Variants in GALNT17 observed in about 807,000 individuals in gnomAD.
GALNT17 encodes UDP-GalNAc:polypeptide N-acetylgalactosaminyltransferase-like 3.
A neutral mutation model predicts 63.7 loss-of-function variants in GALNT17; 29 were observed. The ratio of observed to expected loss-of-function variants is 0.46; its 90% CI spans 0.34 to 0.62. GALNT17 has a LOEUF of 0.62. GALNT17 is among the 20% of genes least tolerant of loss of function. The pLI, the probability that GALNT17 is intolerant of heterozygous loss-of-function variation, is 0.01. For missense variants in GALNT17, 603 were observed against 799.6 expected (o/e 0.75, Z 2.97); for synonymous variants, 305 against 318.3 (o/e 0.96, Z 0.45).
intron 6 of GALNT17, among the ~76,000 whole-genome samples, chr7:71,653,429 G>T (rs1275316945): frequency 2.0e-5 from 3 of 148,058 alleles, no homozygotes; most frequent in Non-Finnish European, 4.5e-5. Flanking sequence ...TTTTTTTTAA[G>T]ACTTTCTCTC....
intron 9 of GALNT17, among the ~76,000 whole-genome samples, chr7:71,699,625 C>A (rs1791600378): frequency 6.6e-6 from 1 of 152,096 alleles, no homozygotes; most frequent in Admixed American, 6.5e-5. Context: ...GCCTGTAGAT[C>A]AAAATGCGTT....
intron 5 of GALNT17, among the ~76,000 whole-genome samples, chr7:71,464,327 G>T (rs1787500852): frequency 6.6e-6 from 1 of 152,112 alleles, no homozygotes; most frequent in Non-Finnish European, 1.5e-5. Context: ...ACTGGACTTG[G>T]CATGGACAGA....
chr7:71,610,699 A>G (rs767309997), intron 6 of GALNT17, among the ~76,000 whole-genome samples: 6 of 152,192 alleles, frequency 3.9e-5, no homozygotes, highest in South Asian at 2.1e-4. Context: ...GGAATATTCA[A>G]TCTCCATCAA....
chr7:71,201,239 T>TATATATATATATATATA (rs1554338078), intron 1 of GALNT17, among the ~76,000 whole-genome samples: 1,044 of 101,424 alleles, frequency 0.01, 35 homozygotes, highest in African/African-American at 0.037. Flanking sequence ...GTGTGTTTAT[T>TATATATATATATATATA]TTTATATATA....
intron 6 of GALNT17, among the ~76,000 whole-genome samples, chr7:71,624,906 T>A (rs2116978064): frequency 6.6e-6 from 1 of 152,288 alleles, no homozygotes; most frequent in African/African-American, 2.4e-5. Context: ...ATTTCATTCA[T>A]CATTAGAGCA....
At chr7:71,247,327 C>T (rs1400584625) in intron 1 of GALNT17, among the ~76,000 whole-genome samples, 1 of 152,068 alleles carries the variant, frequency 6.6e-6, no homozygotes, top group Non-Finnish European at 1.5e-5. Context: ...ATGGGGAAAA[C>T]ATGAGAAAAA....
At chr7:71,526,399 A>G (rs1228747931) in intron 5 of GALNT17, among the ~76,000 whole-genome samples, 1 of 152,238 alleles carries the variant, frequency 6.6e-6, no homozygotes, top group Non-Finnish European at 1.5e-5. Flanking sequence ...AATGCGAAAT[A>G]TATTCTTTTG....
intron 1 of GALNT17, among the ~76,000 whole-genome samples, chr7:71,179,177 C>T (rs1004329283): frequency 1.3e-5 from 2 of 152,110 alleles, no homozygotes; most frequent in Non-Finnish European, 2.9e-5. Context: ...TTCAAAGTCA[C>T]CCCTCTGCTC....
intron 1 of GALNT17, among the ~76,000 whole-genome samples, chr7:71,252,093 G>T (rs1247581610): frequency 6.6e-6 from 1 of 152,084 alleles, no homozygotes; most frequent in Non-Finnish European, 1.5e-5. Flanking sequence ...AAAAGAGGAT[G>T]TCACCACCAG....
At chr7:71,194,133 CCT>C in intron 1 of GALNT17, among the ~76,000 whole-genome samples, 2 of 152,160 alleles carry the variant, frequency 1.3e-5, no homozygotes, top group Admixed American at 1.3e-4. Context: ...GCAGCCTTGA[CCT>C]CCTGGGCTCA....
At chr7:71,309,852 G>C (rs1791383821) in intron 1 of GALNT17, among the ~76,000 whole-genome samples, 2 of 152,142 alleles carry the variant, frequency 1.3e-5, no homozygotes, top group South Asian at 4.1e-4. Flanking sequence ...AACACTAAGA[G>C]AGAAATATAT....
intron 5 of GALNT17, among the ~76,000 whole-genome samples, chr7:71,569,514 G>A (rs1323498699): frequency 6.6e-6 from 1 of 152,104 alleles, no homozygotes; most frequent in Non-Finnish European, 1.5e-5. Context: ...TCACTTACAA[G>A]TGAGAGCGAA....
chr7:71,538,478 C>T (rs1188333906), intron 5 of GALNT17, among the ~76,000 whole-genome samples: 1 of 152,174 alleles, frequency 6.6e-6, no homozygotes, highest in Non-Finnish European at 1.5e-5. Context: ...CGACAGATTA[C>T]AGAGCAAAGT....
chr7:71,547,141 A>G (rs991289229), intron 5 of GALNT17, among the ~76,000 whole-genome samples: 1 of 150,384 alleles, frequency 6.6e-6, no homozygotes, highest in Non-Finnish European at 1.5e-5. Flanking sequence ...ACAGGCATGC[A>G]ACACCACACC....
intron 5 of GALNT17, among the ~76,000 whole-genome samples, chr7:71,534,828 A>G (rs967885347): frequency 1.2e-4 from 19 of 152,178 alleles, no homozygotes; most frequent in Admixed American, 2.6e-4. Context: ...CCAATTTTAC[A>G]TGCATCTTAA....
chr7:71,633,655 C>G (rs1369217623), intron 6 of GALNT17, among the ~76,000 whole-genome samples: 1 of 152,226 alleles, frequency 6.6e-6, no homozygotes, highest in East Asian at 1.9e-4. Flanking sequence ...ATCCTCGCAG[C>G]ATTTGTAGGG....
At chr7:71,639,971 A>G (rs1668835833) in intron 6 of GALNT17, among the ~76,000 whole-genome samples, 1 of 152,198 alleles carries the variant, frequency 6.6e-6, no homozygotes, top group African/African-American at 2.4e-5. Context: ...TCTGGAAACC[A>G]TGTTATTTAG....
At chr7:71,359,316 C>T (rs143326547) in intron 2 of GALNT17, among the ~76,000 whole-genome samples, 3 of 152,242 alleles carry the variant, frequency 2.0e-5, no homozygotes, top group South Asian at 2.1e-4. Context: ...GAGGAGCCAG[C>T]GTGCAGAGAT....
At chr7:71,596,268 G>C (rs1158197361) in intron 6 of GALNT17, among the ~76,000 whole-genome samples, 2 of 151,692 alleles carry the variant, frequency 1.3e-5, no homozygotes, top group Non-Finnish European at 2.9e-5. Context: ...TCAAACTCCT[G>C]ACCTCGTGAT....
Sources: gnomAD v4.1 joint callset for allele counts (sites outside exome capture counted in the v4.1 genomes callset) on GRCh38, gnomAD v4.1.1 for gene constraint, MANE v1.5 for transcripts, NCBI Gene and HGNC (gene_info 2026-07-23, HGNC 2026-07-21) for gene names.